IFT140: variants seen among roughly 807,000 people sequenced by gnomAD.
IFT140 encodes the protein intraflagellar transport 140.
Under a neutral mutation model 164.6 loss-of-function variants are expected in IFT140, and 133 were observed. The observed-to-expected ratio is 0.81, with a 90% CI of 0.70 to 0.93. The LOEUF (loss-of-function observed/expected upper bound fraction) is 0.93, where lower values mean the gene tolerates loss of function less well. Ranked by LOEUF, IFT140 falls within the 40% of genes least tolerant of loss-of-function variation. IFT140 has a pLI of 0.00. For missense variants in IFT140, 2,045 were observed against 1,972.3 expected, an observed-to-expected ratio of 1.04 and a Z score of -0.70; for synonymous variants, 860 against 817.3, an observed-to-expected ratio of 1.05 and a Z score of -0.89.
chr16:1,547,496 A>G (rs1436207018), intron 19 of IFT140, among the ~76,000 whole-genome samples: 2 of 152,094 alleles, frequency 1.3e-5, no homozygotes, highest in African/African-American at 4.8e-5. Flanking sequence ...GGAAATATAC[A>G]CTTTTTTGTT....
chr16:1,550,168 G>A (rs541428457), intron 19 of IFT140, among the ~76,000 whole-genome samples: 6 of 152,108 alleles, frequency 3.9e-5, no homozygotes, highest in East Asian at 1.9e-4. Context: ...TCAAACTCCC[G>A]GGCTCAAGCA....
intron 14 of IFT140, 65 bp downstream of exon 14, chr16:1,571,341 AC>A: frequency 6.7e-7 from 1 of 1,495,136 alleles, no homozygotes; most frequent in Non-Finnish European, 9.2e-7. Flanking sequence ...CTCACTTTCT[AC>A]CCATCACACT....
rs377282223 is a variant in IFT140, at chr16:1,554,914, T to C, written c.2399+3021A>G. The C allele has an allele frequency of 3.7e-6, 6 of 1,614,116 alleles. No individual in the cohort carries two copies. The African/African-American group carries it at 6.7e-5, about 18-fold the overall frequency. On this transcript the variant is annotated intron_variant, in intron 19 of 30. Transcript: ENST00000426508. ...GCGGCAGCCATGCTCATCTGGAACA[T>C]TCTCCACAAGAGGGAGGACTGCATG...
chr16:1,578,691 C>A (rs2034399399), intron 13 of IFT140, among the ~76,000 whole-genome samples: 1 of 152,132 alleles, frequency 6.6e-6, no homozygotes, highest in Non-Finnish European at 1.5e-5. Flanking sequence ...ACCAGCCTAG[C>A]CAATGTGGTG....
intron 30 of IFT140, among the ~76,000 whole-genome samples, chr16:1,513,479 A>C (rs976293722): frequency 6.6e-6 from 1 of 151,898 alleles, no homozygotes; most frequent in Non-Finnish European, 1.5e-5. Flanking sequence ...CCAGCTGGGC[A>C]ACAGAGCAAG....
At position 1,526,070 on chromosome 16, in the gene IFT140, G is replaced by A. The variant is rs1269311303; in HGVS notation, c.2585C>T (p.Ala862Val). ...LATQLGMLEDAEQLYRKCKRH... is the reference protein window; with the variant it reads ...LATQLGMLEDVEQLYRKCKRH... ...CTTGCACTTCCTGTACAGCTGCTCG[G>A]CGTCCTCCTGAGGAATGAGGATGGG... Residue 862 changes from alanine to valine, a missense_variant, in exon 21 of 31, where the codon GCC becomes GTC. By Grantham distance (64) the Ala-to-Val change is moderately conservative (BLOSUM62 0). Coordinates refer to ENST00000426508, the MANE Select transcript of IFT140 (RefSeq NM_014714.4). 1.3e-6 allele frequency: 2 copies of A among 1,585,078 alleles called. No individual in the cohort carries two copies. The highest frequency in any genetic ancestry group is 1.2e-5 in the South Asian group (1 of 86,788).
At chr16:1,546,243 G>A (rs909042345) in intron 19 of IFT140, among the ~76,000 whole-genome samples, 2 of 152,204 alleles carry the variant, frequency 1.3e-5, no homozygotes, top group African/African-American at 4.8e-5. Context: ...CGCCTGAGTG[G>A]CACAAGGCTG....
rs542615369 is a variant in IFT140 at position 1,569,320 on chromosome 16, T to C, written c.1653-986A>G. Among the ~76,000 whole-genome samples the C allele has an allele frequency of 3.3e-5, 5 of 152,256 alleles. No individual in the cohort carries two copies. In the East Asian group the frequency reaches 9.7e-4, roughly 29 times the overall value. On this transcript the variant is annotated intron_variant, in intron 14 of 30. Coordinates refer to ENST00000426508, the MANE Select transcript of IFT140 (RefSeq NM_014714.4). ...ACCGCGCTCGGCCGTGGAATTCTTTTCTATGGGACACCTGTCTCTTCTCCT... is the reference window on the plus strand; with the variant it reads ...ACCGCGCTCGGCCGTGGAATTCTTTCCTATGGGACACCTGTCTCTTCTCCT...
In IFT140 at chr16:1,612,052, C is replaced by A. The variant is rs559008463; in HGVS notation, c.-306G>T. 1.3e-5 allele frequency: 2 copies of A among 152,406 alleles called. No individual in the cohort carries two copies. Among genetic ancestry groups the A allele is most frequent in the Admixed American group, 6.5e-5 (1 of 15,300 alleles). The allele number at this position is 152,406 out of a possible 1,614,324, so 9.4% of individuals were successfully genotyped here. On this transcript the variant is annotated 5_prime_UTR_variant, in exon 1 of 31. Coordinates refer to ENST00000426508, the MANE Select transcript of IFT140 (RefSeq NM_014714.4). ...GAGCTACCACGCCGTTTTCTTCTCA[C>A]GTATCCGTCAACACTGCTGCGGCCA...
chr16:1,602,546 C>T lies in IFT140; in HGVS notation c.193G>A (p.Ala65Thr), dbSNP rs1183989272. The change falls in exon 4 of 31, where the codon GCT becomes ACT. Residue 65 changes from alanine (A) to threonine (T), a missense_variant. Physicochemically the swap from Ala to Thr is moderately conservative, Grantham distance 58 (BLOSUM62 0). Transcript: ENST00000426508. Reference protein sequence around the residue: ...DTHVERPFRVASLCWHPTRLV... With the variant: ...DTHVERPFRVTSLCWHPTRLV... ...CGCGTCGGGTGCCAGCACAGGGAAGCAACCCGGAACGGCCTCTCGACGTGT... is the reference window on the plus strand; with the variant it reads ...CGCGTCGGGTGCCAGCACAGGGAAGTAACCCGGAACGGCCTCTCGACGTGT... 1 of 1,613,942 alleles carries T rather than the reference C, an allele frequency of 6.2e-7. No individual in the cohort carries two copies. Among genetic ancestry groups the T allele is most frequent in the East Asian group, 2.2e-5 (1 of 44,886 alleles).
At chr16:1,511,640 G>A (rs1038875433) in intron 30 of IFT140, among the ~76,000 whole-genome samples, 1 of 152,036 alleles carries the variant, frequency 6.6e-6, no homozygotes, top group Admixed American at 6.5e-5. Flanking sequence ...TTGTTGGATG[G>A]CCCCTCCCAT....
intron 6 of IFT140, among the ~76,000 whole-genome samples, chr16:1,590,105 G>T (rs2035097183): frequency 6.7e-6 from 1 of 150,100 alleles, no homozygotes; most frequent in Admixed American, 6.7e-5. Flanking sequence ...GGAGACCTAG[G>T]CATGGGAATC....
intron 19 of IFT140, among the ~76,000 whole-genome samples, chr16:1,527,348 C>T (rs1009896183): frequency 3.3e-5 from 5 of 152,176 alleles, no homozygotes; most frequent in Non-Finnish European, 7.4e-5. Context: ...TGACCCAGCC[C>T]ACGCAGGGTT....
Position 1,609,095 on chromosome 16 carries a change from C to T in IFT140, c.-32+1569G>A, listed in dbSNP as rs957092310. Reference sequence around the variant, plus strand: ...GCTTGAATCCAGGAGGCGGAGGTTGCAGTGAGCCGAGATCTTGCCACTGCA... The same window carrying T: ...GCTTGAATCCAGGAGGCGGAGGTTGTAGTGAGCCGAGATCTTGCCACTGCA... On this transcript the variant is annotated intron_variant, in intron 2 of 30. Transcript: ENST00000426508. 3.9e-5 allele frequency among the ~76,000 whole-genome samples: 6 copies of T among 152,082 alleles called. No individual in the cohort carries two copies. In the South Asian group the frequency reaches 1.3e-3, roughly 32 times the overall value.
chr16:1,550,312 G>C (rs1259758522), intron 19 of IFT140, among the ~76,000 whole-genome samples: 1 of 152,180 alleles, frequency 6.6e-6, no homozygotes, highest in South Asian at 2.1e-4. Context: ...TCGTGTTTAT[G>C]GCAAGCAACA....
intron 19 of IFT140, among the ~76,000 whole-genome samples, chr16:1,537,329 C>A (rs1282369238): frequency 6.6e-6 from 1 of 152,262 alleles, no homozygotes; most frequent in Non-Finnish European, 1.5e-5. Context: ...CCGGACGGCT[C>A]TGTGCCCTGA....
intron 12 of IFT140, among the ~76,000 whole-genome samples, chr16:1,582,298 G>A (rs2034614947): frequency 6.6e-6 from 1 of 152,168 alleles, no homozygotes; most frequent in Non-Finnish European, 1.5e-5. Flanking sequence ...TAAGAGGGAG[G>A]GAGGCAGATT....
intron 4 of IFT140, chr16:1,602,144 G>A (rs2035825474): frequency 1.1e-5 from 6 of 568,690 alleles, no homozygotes; most frequent in South Asian, 1.0e-4. Context: ...CTTTACGAAT[G>A]CAGTTTCCCA....
intron 9 of IFT140, 29 bp from the exon 10 acceptor site, chr16:1,586,304 C>T (rs1393848317): frequency 6.3e-7 from 1 of 1,591,348 alleles, no homozygotes; most frequent in Non-Finnish European, 8.5e-7. Flanking sequence ...TGCATGTGAA[C>T]AGAGTTAAAA....
Sources: allele counts gnomAD v4.1 joint callset (sites outside exome capture counted in the v4.1 genomes callset), GRCh38; gene constraint gnomAD v4.1.1; transcripts MANE v1.5; gene names NCBI Gene and HGNC (gene_info 2026-07-23, HGNC 2026-07-21).